IGF1R: variants seen among roughly 807,000 people sequenced by gnomAD.
The protein encoded by IGF1R is insulin like growth factor 1 receptor, also known as insulin-like growth factor 1 receptor.
Under a neutral mutation model 144.6 loss-of-function variants are expected in IGF1R, and 44 were observed. That is an observed-to-expected ratio of 0.30 (90% CI 0.24 to 0.39). The LOEUF is 0.39. Ranked by LOEUF, IGF1R falls within the 10% of genes least tolerant of loss-of-function variation. The probability of loss-of-function intolerance (pLI) is 1.00; values close to 1 mark genes in which losing one functional copy is unlikely to be tolerated. For synonymous variants in IGF1R, 795 were observed against 722.8 expected (o/e 1.10, Z -1.60); for missense variants, 1,355 against 1,833.7 (o/e 0.74, Z 4.77).
At chr15:98,868,450 T>C (rs1014875433) in intron 2 of IGF1R, among the ~76,000 whole-genome samples, 4 of 147,676 alleles carry the variant, frequency 2.7e-5, no homozygotes, top group African/African-American at 1.0e-4. Context: ...TGGCAATCAG[T>C]ATGTGAGTTC....
chr15:98,867,817 G>T (rs1351179715), intron 2 of IGF1R, among the ~76,000 whole-genome samples: 1 of 152,170 alleles, frequency 6.6e-6, no homozygotes, highest in Non-Finnish European at 1.5e-5. Context: ...TTTATCAACT[G>T]TGTGAATTGT....
Position 98,827,783 on chromosome 15 carries a change from A to G in IGF1R, c.641-63542A>G, listed in dbSNP as rs182206935. 5.2e-3 allele frequency among the ~76,000 whole-genome samples: 791 copies of G among 152,192 alleles called. 7 individuals carry two copies. The highest frequency in any genetic ancestry group is 0.017 in the African/African-American group (724 of 41,506). The stretch of plus-strand genomic sequence containing the variant: ...TTTTTAGTAGAGATGGGGTTTCACC[A>G]TGTTGGTTAGGCTGGTCTCAAACTC... On this transcript the variant is annotated intron_variant, in intron 2 of 20. Coordinates refer to ENST00000650285, the MANE Select transcript of IGF1R (RefSeq NM_000875.5).
In IGF1R at chr15:98,916,750, G is replaced by T; in HGVS notation, c.2075G>T (p.Cys692Phe). The T allele has an allele frequency of 6.2e-7, 1 of 1,614,126 alleles. No homozygotes were observed. The highest frequency in any genetic ancestry group is 8.5e-7 in the Non-Finnish European group (1 of 1,179,998). ...EVTENPKTEV[C>F]GGEKGPCCAC... The stretch of plus-strand genomic sequence containing the variant: ...ACAGAGAACCCCAAGACTGAGGTGT[G>T]TGGTGGGGAGAAAGGGCCTTGCTGC... Residue 692 changes from cysteine (C) to phenylalanine (F), a missense_variant, in exon 10 of 21, where the codon TGT (cysteine) becomes TTT (phenylalanine). Transcript: ENST00000650285.
chr15:98,664,116 C>T (rs11637639), intron 1 of IGF1R, among the ~76,000 whole-genome samples: 24,881 of 152,138 alleles, frequency 0.16, 4,415 homozygotes, highest in African/African-American at 0.44. Flanking sequence ...GCTTTTGTAA[C>T]ACTTTCCTGC....
chr15:98,814,797 A>ACCTCT (rs111671170), intron 2 of IGF1R, among the ~76,000 whole-genome samples: 22,654 of 152,134 alleles, frequency 0.15, 2,339 homozygotes, highest in African/African-American at 0.29. Flanking sequence ...GGGAGAAGAA[A>ACCTCT]TTGTATCTGA....
At chr15:98,756,853 C>G (rs1467240201) in intron 2 of IGF1R, among the ~76,000 whole-genome samples, 1 of 152,004 alleles carries the variant, frequency 6.6e-6, no homozygotes, top group Non-Finnish European at 1.5e-5. Context: ...TTTATTTGAT[C>G]TTTGATTCTG....
intron 2 of IGF1R, among the ~76,000 whole-genome samples, chr15:98,803,506 A>ATTTATTTATTTATTTG (rs1220450474): frequency 6.6e-6 from 1 of 150,946 alleles, no homozygotes; most frequent in Non-Finnish European, 1.5e-5. Context: ...CATTTTATTT[A>ATTTATTTATTTATTTG]TTTATTTATT....
intron 15 of IGF1R, among the ~76,000 whole-genome samples, chr15:98,931,026 C>T (rs917800789): frequency 6.6e-6 from 1 of 152,176 alleles, no homozygotes; most frequent in African/African-American, 2.4e-5. Context: ...CTTTTACAAA[C>T]ACCATCCCAT....
At chr15:98,841,913 C>A (rs2011181250) in intron 2 of IGF1R, among the ~76,000 whole-genome samples, 1 of 152,194 alleles carries the variant, frequency 6.6e-6, no homozygotes, top group Non-Finnish European at 1.5e-5. Context: ...ACACTGTTGG[C>A]CTCTCGAGGA....
At chr15:98,822,958 TAG>T (rs2056828822) in intron 2 of IGF1R, among the ~76,000 whole-genome samples, 1 of 152,254 alleles carries the variant, frequency 6.6e-6, no homozygotes, top group Admixed American at 6.5e-5. Context: ...GTTTCTATTT[TAG>T]AGTTTTCCCA....
chr15:98,932,121 C>T (rs2015966715), intron 15 of IGF1R, among the ~76,000 whole-genome samples: 2 of 152,186 alleles, frequency 1.3e-5, no homozygotes, highest in Non-Finnish European at 2.9e-5. Flanking sequence ...TCAGGGCTCT[C>T]ATGGTGACTT....
At chr15:98,786,640 A>G (rs780655228) in intron 2 of IGF1R, among the ~76,000 whole-genome samples, 2 of 152,212 alleles carry the variant, frequency 1.3e-5, no homozygotes, top group Non-Finnish European at 2.9e-5. Context: ...GTGAAAAACC[A>G]CTGTCTTTTT....
chr15:98,924,152 C>T (rs2015609689), intron 12 of IGF1R, 140 bp downstream of exon 12: 1 of 865,894 alleles, frequency 1.2e-6, no homozygotes, highest in African/African-American at 1.6e-5. Flanking sequence ...GGATTTGGGT[C>T]TTTCTACCCA....
intron 2 of IGF1R, among the ~76,000 whole-genome samples, chr15:98,819,017 T>G (rs1360461678): frequency 6.7e-6 from 1 of 150,124 alleles, no homozygotes; most frequent in Non-Finnish European, 1.5e-5. Context: ...TGCAAAGGAG[T>G]GGGGAGGGAG....
At chr15:98,908,028 G>C (rs2014816023) in intron 5 of IGF1R, among the ~76,000 whole-genome samples, 1 of 152,254 alleles carries the variant, frequency 6.6e-6, no homozygotes, top group African/African-American at 2.4e-5. Context: ...TGAACTTGGA[G>C]AACCACTGTG....
intron 2 of IGF1R, among the ~76,000 whole-genome samples, chr15:98,726,287 C>G (rs751444892): frequency 3.3e-5 from 5 of 152,204 alleles, no homozygotes; most frequent in Non-Finnish European, 7.3e-5. Context: ...GCCCATTACT[C>G]TCCCATCGTA....
chr15:98,676,929 T>TA (rs201035422), intron 1 of IGF1R, among the ~76,000 whole-genome samples: 1 of 151,922 alleles, frequency 6.6e-6, no homozygotes, highest in African/African-American at 2.4e-5. Flanking sequence ...TTTTTTCAAT[T>TA]AAAAAAAATT....
intron 2 of IGF1R, among the ~76,000 whole-genome samples, chr15:98,845,486 CCTCCTTCCTT>C (rs1436632507): frequency 8.0e-6 from 1 of 124,302 alleles, no homozygotes; most frequent in African/African-American, 3.0e-5. Context: ...CCTCCCTCCT[CCTCCTTCCTT>C]CTCCTCCTCC....
rs747754427 is a variant in IGF1R at position 98,957,204 on chromosome 15, A to T, written c.3866A>T (p.Glu1289Val). The change falls in exon 21 of 21, where the codon GAG becomes GTG. Residue 1289 changes from glutamate to valine, a missense_variant. By Grantham distance (121) the Glu-to-Val change is moderately radical. This residue lies in a region of IGF1R where 219 missense variants were observed against 188.8 expected (regional missense o/e 1.16). Coordinates refer to ENST00000650285, the MANE Select transcript of IGF1R (RefSeq NM_000875.5). ...FYYSEENKLP[E>V]PEELDLEPEN... is the part of the protein sequence containing the mutation. Reference sequence around the variant, plus strand: ...TACAGCGAGGAGAACAAGCTGCCCGAGCCGGAGGAGCTGGACCTGGAGCCA... The same window carrying T: ...TACAGCGAGGAGAACAAGCTGCCCGTGCCGGAGGAGCTGGACCTGGAGCCA... 1.2e-6 allele frequency: 2 copies of T among 1,614,206 alleles called. No homozygotes were observed. Among genetic ancestry groups the T allele is most frequent in the Non-Finnish European group, 1.7e-6 (2 of 1,180,024 alleles).
Sources: gnomAD v4.1 joint callset for allele counts (sites outside exome capture counted in the v4.1 genomes callset) on GRCh38, gnomAD v4.1.1 for gene constraint, gnomAD v4.1.1 regional missense constraint, MANE v1.5 for transcripts, NCBI Gene and HGNC (gene_info 2026-07-23, HGNC 2026-07-21) for gene names.